WWOX: variants seen among roughly 807,000 people sequenced by gnomAD.
The protein encoded by WWOX is WW domain containing oxidoreductase, also known as WW domain-containing oxidoreductase.
In WWOX, 69 loss-of-function variants were observed where a neutral mutation model predicts 46.2. That is an observed-to-expected ratio of 1.49 (90% CI 1.23 to 1.82). The LOEUF is 1.82. Among genes scored for constraint, WWOX ranks in the 40% most tolerant of loss-of-function variants. The pLI is 0.00. For synonymous variants in WWOX, 359 were observed against 202.6 expected, an observed-to-expected ratio of 1.77 and a Z score of -6.56; for missense variants, 919 against 542.6, an observed-to-expected ratio of 1.69 and a Z score of -6.89.
chr16:78,478,832 T>C (rs191897251), intron 8 of WWOX, among the ~76,000 whole-genome samples: 149 of 152,342 alleles, frequency 9.8e-4, no homozygotes, highest in African/African-American at 3.6e-3. Flanking sequence ...TTATTTATTT[T>C]TTCTCTCCCC....
chr16:78,923,173 G>T (rs897508850), intron 8 of WWOX, among the ~76,000 whole-genome samples: 33 of 151,806 alleles, frequency 2.2e-4, no homozygotes, highest in Admixed American at 1.8e-3. Context: ...TAGAGACGGG[G>T]TTTCTCCATG....
At chr16:78,849,588 A>G (rs1204850567) in intron 8 of WWOX, among the ~76,000 whole-genome samples, 20 of 150,822 alleles carry the variant, frequency 1.3e-4, no homozygotes, top group Admixed American at 5.3e-4. Context: ...AAAAAAAAAA[A>G]AAAAGAAAAC....
rs1186831775 is a variant in WWOX at position 78,422,776 on chromosome 16, T to TATATATATACACACAC, written c.606-2092_606-2077dup. On this transcript the variant is annotated intron_variant, in intron 6 of 8. Coordinates refer to ENST00000566780, the MANE Select transcript of WWOX (RefSeq NM_016373.4). Reference sequence around the variant, plus strand: ...ATATATACACATATATATACACACATATATATATACACACACACATATATA... The same window carrying TATATATATACACACAC: ...ATATATACACATATATATACACACATATATATATACACACACATATATATACACACACACATATATA... 1.7e-3 allele frequency among the ~76,000 whole-genome samples: 193 copies of TATATATATACACACAC among 111,446 alleles called. 23 individuals carry two copies. Among genetic ancestry groups the TATATATATACACACAC allele is most frequent in the African/African-American group, 9.4e-3 (185 of 19,784 alleles). The allele number at this position is 111,446 out of a possible 152,430, so 73.1% of individuals were successfully genotyped here.
In WWOX at chr16:78,515,228, A is replaced by G. The variant is rs573119461; in HGVS notation, c.1056+82476A>G. On this transcript the variant is annotated intron_variant, in intron 8 of 8. Coordinates refer to ENST00000566780, the MANE Select transcript of WWOX (RefSeq NM_016373.4). ...GACAGAGCGAGACCCTGTCTCAGAA[A>G]CAGAAAATAAAACAAACAAAAAAAT... 1.4e-3 allele frequency among the ~76,000 whole-genome samples: 215 copies of G among 152,366 alleles called. 1 individual carries two copies. Among genetic ancestry groups the G allele is most frequent in the Non-Finnish European group, 2.4e-3 (161 of 68,036 alleles).
chr16:78,494,117 C>A (rs1475095302), intron 8 of WWOX, among the ~76,000 whole-genome samples: 1 of 152,146 alleles, frequency 6.6e-6, no homozygotes, highest in Non-Finnish European at 1.5e-5. Flanking sequence ...CAGGTAATGT[C>A]TTCACATGGC....
chr16:79,028,517 T>C (rs931650091), intron 8 of WWOX, among the ~76,000 whole-genome samples: 3 of 151,678 alleles, frequency 2.0e-5, no homozygotes, highest in African/African-American at 7.3e-5. Context: ...CTTTCCTCCT[T>C]CTTCCTCTCC....
At chr16:78,691,305 C>T (rs760570476) in intron 8 of WWOX, 56 of 701,298 alleles carry the variant, frequency 8.0e-5, no homozygotes, top group Non-Finnish European at 1.4e-4. Flanking sequence ...GAGTTCTTAC[C>T]TTGTAAAAGA....
chr16:79,176,631 T>G (rs1173644587), intron 8 of WWOX, among the ~76,000 whole-genome samples: 2 of 152,226 alleles, frequency 1.3e-5, no homozygotes, highest in Admixed American at 1.3e-4. Flanking sequence ...TGTCTTCATG[T>G]CATTAAACTT....
intron 8 of WWOX, among the ~76,000 whole-genome samples, chr16:79,188,169 A>G (rs1184589239): frequency 6.6e-6 from 1 of 152,198 alleles, no homozygotes; most frequent in Non-Finnish European, 1.5e-5. Context: ...GTCTTGAGCT[A>G]AACGAAGCAG....
At chr16:78,477,020 T>G (rs1319131063) in intron 8 of WWOX, among the ~76,000 whole-genome samples, 2 of 152,152 alleles carry the variant, frequency 1.3e-5, no homozygotes, top group East Asian at 3.9e-4. Flanking sequence ...TGTTGGTAAT[T>G]AAATAAATTA....
chr16:78,797,581 T>G (rs2050777078), intron 8 of WWOX, among the ~76,000 whole-genome samples: 1 of 152,116 alleles, frequency 6.6e-6, no homozygotes, highest in Non-Finnish European at 1.5e-5. Flanking sequence ...GGGGCTTTAG[T>G]CATGTCAATA....
chr16:78,888,330 T>G (rs994226536), intron 8 of WWOX, among the ~76,000 whole-genome samples: 4 of 152,226 alleles, frequency 2.6e-5, no homozygotes, highest in African/African-American at 4.8e-5. Context: ...ATTTGTTGTT[T>G]CCTTCTCAGA....
intron 8 of WWOX, among the ~76,000 whole-genome samples, chr16:79,055,901 AG>A (rs1390223323): frequency 6.6e-6 from 1 of 152,216 alleles, no homozygotes; most frequent in African/African-American, 2.4e-5. Flanking sequence ...CTTTGGAAGC[AG>A]GGATAAGAAG....
intron 8 of WWOX, among the ~76,000 whole-genome samples, chr16:78,833,914 G>A (rs1012150310): frequency 2.6e-5 from 4 of 152,240 alleles, no homozygotes; most frequent in Non-Finnish European, 5.9e-5. Context: ...TGGAATATAA[G>A]TTCTTTGAGG....
intron 8 of WWOX, among the ~76,000 whole-genome samples, chr16:78,666,602 G>T (rs2047337948): frequency 6.6e-6 from 1 of 152,148 alleles, no homozygotes. Flanking sequence ...GTCGCATGTG[G>T]GCCTGGAGTC....
chr16:78,799,383 A>G (rs1307478710), intron 8 of WWOX, among the ~76,000 whole-genome samples: 1 of 152,232 alleles, frequency 6.6e-6, no homozygotes, highest in Admixed American at 6.5e-5. Context: ...ACATGCTCAC[A>G]CGTCTGTGCT....
intron 8 of WWOX, among the ~76,000 whole-genome samples, chr16:79,018,347 A>G (rs528071149): frequency 6.6e-6 from 1 of 152,330 alleles, no homozygotes; most frequent in South Asian, 2.1e-4. Context: ...AGCCAAAGCC[A>G]AATAGTGCTC....
rs10557567 is a variant in WWOX at position 78,256,149 on chromosome 16, CAAAAAAA to C, written c.516+91879_516+91885del. On this transcript the variant is annotated intron_variant, in intron 5 of 8. Transcript: ENST00000566780. ...TGGGCGACAGAGCAAGACTCCATCT[CAAAAAAA>C]AAAAAAAAAAAAAAAAAAGTAACTC... Among the ~76,000 whole-genome samples, 371 of 65,462 alleles carry C rather than the reference CAAAAAAA, an allele frequency of 5.7e-3. 2 individuals are homozygous for C. The highest frequency in any genetic ancestry group is 8.2e-3 in the Non-Finnish European group (293 of 35,892). 42.9% of individuals were successfully genotyped at this position (65,462 alleles called of 152,430 possible).
At chr16:79,170,123 G>T (rs754108464) in intron 8 of WWOX, among the ~76,000 whole-genome samples, 1 of 152,120 alleles carries the variant, frequency 6.6e-6, no homozygotes, top group Non-Finnish European at 1.5e-5. Context: ...ATCATCTCTG[G>T]AAAAGTTGCT....
Sources: allele counts gnomAD v4.1 joint callset (sites outside exome capture counted in the v4.1 genomes callset), GRCh38; gene constraint gnomAD v4.1.1; transcripts MANE v1.5; gene names NCBI Gene and HGNC (gene_info 2026-07-23, HGNC 2026-07-21).